LRP1B: variants seen among roughly 807,000 people sequenced by gnomAD.
LRP1B encodes low-density lipoprotein receptor-related protein 1B.
A neutral mutation model predicts 556.6 loss-of-function variants in LRP1B; 217 were observed. That is an observed-to-expected ratio of 0.39 (90% CI 0.35 to 0.44). The LOEUF is 0.44. LRP1B is among the 20% of genes least tolerant of loss of function. LRP1B has a pLI of 1.00. For missense variants in LRP1B, 5,053 were observed against 5,620.8 expected (o/e 0.90, Z 3.23); for synonymous variants, 2,047 against 1,865.8 (o/e 1.10, Z -2.50).
chr2:142,092,053 C>A (rs1361750524), intron 1 of LRP1B, among the ~76,000 whole-genome samples: 3 of 152,216 alleles, frequency 2.0e-5, no homozygotes, highest in Admixed American at 2.0e-4. Flanking sequence ...AATGGCAGAG[C>A]AAGCAAACAG....
At chr2:140,566,846 C>T (rs1305986122) in intron 43 of LRP1B, among the ~76,000 whole-genome samples, 1 of 152,154 alleles carries the variant, frequency 6.6e-6, no homozygotes, top group African/African-American at 2.4e-5. Context: ...AGCCTGACTC[C>T]TATGAAATGG....
intron 2 of LRP1B, among the ~76,000 whole-genome samples, chr2:141,757,022 T>C (rs186239511): frequency 7.2e-5 from 11 of 152,252 alleles, no homozygotes; most frequent in South Asian, 6.2e-4. Context: ...AAACTATTAT[T>C]TTTGCCTTTA....
intron 1 of LRP1B, among the ~76,000 whole-genome samples, chr2:141,949,904 G>A (rs1701060114): frequency 6.6e-6 from 1 of 152,114 alleles, no homozygotes; most frequent in Non-Finnish European, 1.5e-5. Flanking sequence ...CCCTTTAAAA[G>A]ACAAATTATC....
At chr2:140,595,624 T>C (rs1221125834) in intron 43 of LRP1B, among the ~76,000 whole-genome samples, 1 of 152,108 alleles carries the variant, frequency 6.6e-6, no homozygotes, top group Non-Finnish European at 1.5e-5. Flanking sequence ...TTAGAGAACA[T>C]CACAATTATG....
intron 41 of LRP1B, among the ~76,000 whole-genome samples, chr2:140,691,220 C>T (rs556648691): frequency 1.3e-5 from 2 of 152,226 alleles, no homozygotes; most frequent in East Asian, 3.9e-4. Context: ...GCCTGTAATA[C>T]TAGCACTTTG....
At position 140,496,892 on chromosome 2, in the gene LRP1B, AATTTATTTATTTATTT is replaced by A. The variant is rs141106287; in HGVS notation, c.8851-1160_8851-1145del. Among the ~76,000 whole-genome samples, 566 of 147,144 alleles carry A rather than the reference AATTTATTTATTTATTT, an allele frequency of 3.8e-3. 10 individuals carry two copies. The highest frequency in any genetic ancestry group is 0.012 in the African/African-American group (500 of 40,042). On this transcript the variant is annotated intron_variant, in intron 55 of 90. Transcript: ENST00000389484. Reference sequence around the variant, plus strand: ...AGTAAATATTTCATAATTTGGATAAAATTTATTTATTTATTTATTTATTTATTTATTTATTTATTTA... The same window carrying A: ...AGTAAATATTTCATAATTTGGATAAAATTTATTTATTTATTTATTTATTTA...
At chr2:141,836,805 C>A (rs1267211748) in intron 1 of LRP1B, among the ~76,000 whole-genome samples, 1 of 151,808 alleles carries the variant, frequency 6.6e-6, no homozygotes, top group Non-Finnish European at 1.5e-5. Flanking sequence ...ATGTATAAAT[C>A]TAACAGTAGG....
intron 7 of LRP1B, among the ~76,000 whole-genome samples, chr2:141,154,192 G>A (rs1036319538): frequency 3.3e-5 from 5 of 151,790 alleles, no homozygotes; most frequent in African/African-American, 1.2e-4. Context: ...AGTTGAATGT[G>A]TTTCTAACTC....
At chr2:140,705,540 A>C (rs1429097295) in intron 37 of LRP1B, among the ~76,000 whole-genome samples, 41 of 34,552 alleles carry the variant, frequency 1.2e-3, no homozygotes, top group African/African-American at 2.3e-3. Context: ...AAAAAAAAAA[A>C]AAAAAAAAAA....
intron 3 of LRP1B, among the ~76,000 whole-genome samples, chr2:141,256,182 C>T (rs1252118720): frequency 6.6e-6 from 1 of 151,796 alleles, no homozygotes; most frequent in Admixed American, 6.6e-5. Context: ...ATCTGAGAAA[C>T]AGTTGTAGAA....
intron 6 of LRP1B, among the ~76,000 whole-genome samples, chr2:141,226,591 G>A (rs1683258299): frequency 6.6e-6 from 1 of 152,056 alleles, no homozygotes; most frequent in Non-Finnish European, 1.5e-5. Context: ...GGGGGTGGGA[G>A]GAACTAAAGA....
At position 140,716,042 on chromosome 2, in the gene LRP1B, G is replaced by T; in HGVS notation, c.5954C>A (p.Ser1985Tyr). Residue 1985 changes from serine (S) to tyrosine (Y), a missense_variant, in exon 37 of 91, where the codon TCT becomes TAT. Around this residue, in one of 5 missense-constraint regions of LRP1B, gnomAD observed 3,619 missense variants for 3,931.9 expected, o/e 0.92. Transcript: ENST00000389484. ...NLIEVARLNG[S>Y]FRYVIISQGL... ...TTGGGAAATAATTACATAACGGAAA[G>T]AACCATTGAGTCTTGCAACTTCAAT... 1 of 1,608,782 alleles carries T rather than the reference G, an allele frequency of 6.2e-7. No homozygotes were observed. Among genetic ancestry groups the T allele is most frequent in the Non-Finnish European group, 8.5e-7 (1 of 1,175,992 alleles).
At chr2:142,063,344 T>C (rs1704989254) in intron 1 of LRP1B, among the ~76,000 whole-genome samples, 3 of 151,552 alleles carry the variant, frequency 2.0e-5, no homozygotes, top group Non-Finnish European at 3.0e-5. Flanking sequence ...GCAGGGACTA[T>C]CAAAAAATTA....
intron 2 of LRP1B, among the ~76,000 whole-genome samples, chr2:141,530,528 A>G (rs35780951): frequency 0.33 from 50,246 of 151,976 alleles, 9,519 homozygotes; most frequent in Non-Finnish European, 0.43. Flanking sequence ...TCTAGCTGCT[A>G]AGGATAGAAC....
intron 63 of LRP1B, among the ~76,000 whole-genome samples, chr2:140,449,481 A>C (rs903908605): frequency 2.6e-5 from 4 of 152,148 alleles, no homozygotes; most frequent in East Asian, 1.9e-4. Flanking sequence ...TAAAAAACAA[A>C]AACTATATTT....
chr2:140,479,389 G>A (rs867851037), intron 59 of LRP1B, among the ~76,000 whole-genome samples: 2 of 152,034 alleles, frequency 1.3e-5, no homozygotes, highest in Non-Finnish European at 2.9e-5. Context: ...ATTGCACCCA[G>A]ATAATATGCA....
intron 7 of LRP1B, among the ~76,000 whole-genome samples, chr2:141,065,127 T>C (rs528373393): frequency 7.2e-4 from 109 of 152,036 alleles, no homozygotes; most frequent in African/African-American, 2.5e-3. Context: ...TTTTAATTTT[T>C]AAGAATAGTA....
At chr2:140,748,773 A>AACATGT (rs1688449458) in intron 35 of LRP1B, among the ~76,000 whole-genome samples, 1 of 40,846 alleles carries the variant, frequency 2.4e-5, no homozygotes, top group Admixed American at 3.0e-4. Flanking sequence ...ACATGTATAT[A>AACATGT]ATATGTATAT....
At chr2:140,615,911 T>C (rs1244671148) in intron 41 of LRP1B, among the ~76,000 whole-genome samples, 3 of 152,062 alleles carry the variant, frequency 2.0e-5, no homozygotes, top group Non-Finnish European at 4.4e-5. Flanking sequence ...ATACAGAAAA[T>C]AGTCTCTACA....
Sources: gnomAD v4.1 joint callset for allele counts (sites outside exome capture counted in the v4.1 genomes callset) on GRCh38, gnomAD v4.1.1 for gene constraint, gnomAD v4.1.1 regional missense constraint, MANE v1.5 for transcripts, NCBI Gene and HGNC (gene_info 2026-07-23, HGNC 2026-07-21) for gene names.